Variants in LRP1B observed in about 807,000 individuals in gnomAD.
The protein encoded by LRP1B is LDL receptor related protein 1B.
Under a neutral mutation model 556.6 loss-of-function variants are expected in LRP1B, and 217 were observed. That is an observed-to-expected ratio of 0.39 (90% confidence interval 0.35 to 0.44). The LOEUF (loss-of-function observed/expected upper bound fraction) is 0.44, where lower values mean the gene tolerates loss of function less well. Among genes scored for constraint, LRP1B ranks in the 20% least tolerant of loss-of-function variants. The probability of loss-of-function intolerance (pLI) is 1.00; values close to 1 mark genes in which losing one functional copy is unlikely to be tolerated. For missense variants in LRP1B, 5,053 were observed against 5,620.8 expected, an observed-to-expected ratio of 0.90 and a Z score of 3.23; for synonymous variants, 2,047 against 1,865.8, an observed-to-expected ratio of 1.10 and a Z score of -2.50.
At position 141,140,714 on chromosome 2, in the gene LRP1B, T is replaced by G. The variant is rs142357003; in HGVS notation, c.1013+47707A>C. 6.1e-3 allele frequency among the ~76,000 whole-genome samples: 925 copies of G among 152,286 alleles called. 11 individuals are homozygous for G. The highest frequency in any genetic ancestry group is 0.02 in the African/African-American group (846 of 41,558). ...CTTGGACTTCCACCCTTCAGAACTG[T>G]GAGAAAATTAATTTCTGTTGTTTAA... On this transcript the variant is annotated intron_variant, in intron 7 of 90. Coordinates refer to ENST00000389484, the MANE Select transcript of LRP1B (RefSeq NM_018557.3).
At chr2:140,944,620 A>G (rs1695490781) in intron 20 of LRP1B, among the ~76,000 whole-genome samples, 1 of 152,176 alleles carries the variant, frequency 6.6e-6, no homozygotes, top group Admixed American at 6.6e-5. Flanking sequence ...ACTCAAATCA[A>G]TAAATGTGAA....
chr2:141,400,696 T>C (rs1270827576), intron 3 of LRP1B, among the ~76,000 whole-genome samples: 4 of 152,158 alleles, frequency 2.6e-5, no homozygotes, highest in Admixed American at 2.6e-4. Flanking sequence ...TTTTAAAAAA[T>C]CAGTATCTTT....
At chr2:140,313,990 G>A (rs1051684569) in intron 83 of LRP1B, among the ~76,000 whole-genome samples, 2 of 151,616 alleles carry the variant, frequency 1.3e-5, no homozygotes, top group African/African-American at 4.8e-5. Context: ...TTCAGAAACA[G>A]CTTGATTTTT....
At chr2:140,958,873 C>G (rs1385346958) in intron 18 of LRP1B, among the ~76,000 whole-genome samples, 1 of 151,318 alleles carries the variant, frequency 6.6e-6, no homozygotes, top group Non-Finnish European at 1.5e-5. Flanking sequence ...ATTTACCCAC[C>G]CTCTCAAAGA....
chr2:141,220,707 G>A (rs1683001515), intron 6 of LRP1B, among the ~76,000 whole-genome samples: 1 of 148,936 alleles, frequency 6.7e-6, no homozygotes, highest in South Asian at 2.1e-4. Context: ...CGGATTAACA[G>A]CAGACCTCTC....
chr2:140,468,390 G>A (rs955218469), intron 60 of LRP1B, among the ~76,000 whole-genome samples: 22 of 152,228 alleles, frequency 1.4e-4, no homozygotes, highest in African/African-American at 4.6e-4. Context: ...AACTGCCACA[G>A]TGGTAGGGCC....
chr2:141,466,523 G>A (rs907133244), intron 3 of LRP1B, among the ~76,000 whole-genome samples: 39 of 152,328 alleles, frequency 2.6e-4, no homozygotes, highest in African/African-American at 9.1e-4. Context: ...GTGGCTGTGT[G>A]TTAGTTAAAA....
rs773682116 is a variant in LRP1B at position 140,867,602 on chromosome 2, G to T, written c.4567C>A (p.Arg1523Ser). The T allele has an allele frequency of 6.2e-7, 1 of 1,612,226 alleles. No individual in the cohort carries two copies. The highest frequency in any genetic ancestry group is 1.1e-5 in the South Asian group (1 of 90,892). ...PFDLQIYHPS[R>S]QPQAPNPCAA... ...AACAAGCACTTACCCTGTGGCTGGC[G>T]ACTGGGATGGTATATCTGAAGGTCA... is the stretch of plus-strand genomic sequence containing the variant. Residue 1523 changes from arginine (R) to serine (S), a missense_variant, in exon 27 of 91, where the codon CGC becomes AGC. This residue lies in a region of LRP1B where 3,619 missense variants were observed against 3,931.9 expected (regional missense o/e 0.92). Coordinates refer to ENST00000389484, the MANE Select transcript of LRP1B (RefSeq NM_018557.3).
intron 83 of LRP1B, among the ~76,000 whole-genome samples, chr2:140,308,210 GATTT>G (rs1379651848): frequency 1.3e-5 from 2 of 151,600 alleles, no homozygotes; most frequent in African/African-American, 2.4e-5. Flanking sequence ...TTAAAAGCTA[GATTT>G]ATTTGATAAA....
At chr2:140,252,616 A>G (rs184370909) in intron 86 of LRP1B, among the ~76,000 whole-genome samples, 1 of 152,098 alleles carries the variant, frequency 6.6e-6, no homozygotes, top group African/African-American at 2.4e-5. Flanking sequence ...TCTCATGCCC[A>G]GGAGAGTACC....
intron 7 of LRP1B, among the ~76,000 whole-genome samples, chr2:141,110,551 A>G (rs1248551988): frequency 6.6e-6 from 1 of 152,138 alleles, no homozygotes; most frequent in Non-Finnish European, 1.5e-5. Flanking sequence ...AGGTGGAGAA[A>G]AACCTTTATG....
At chr2:142,129,991 C>T (rs1272106119) in intron 1 of LRP1B, among the ~76,000 whole-genome samples, 3 of 152,168 alleles carry the variant, frequency 2.0e-5, no homozygotes, top group Non-Finnish European at 2.9e-5. Flanking sequence ...GAGAGAGGCA[C>T]TCCAGGGGTG....
intron 1 of LRP1B, among the ~76,000 whole-genome samples, chr2:141,915,797 G>A (rs1336174455): frequency 6.6e-6 from 1 of 152,166 alleles, no homozygotes; most frequent in Non-Finnish European, 1.5e-5. Context: ...CTTCTCAAGA[G>A]ACAGACAAGT....
At chr2:140,670,434 A>C (rs569192738) in intron 41 of LRP1B, among the ~76,000 whole-genome samples, 1 of 152,314 alleles carries the variant, frequency 6.6e-6, no homozygotes, top group Admixed American at 6.5e-5. Flanking sequence ...TCCCAAACCT[A>C]ATAAATTTGC....
intron 83 of LRP1B, among the ~76,000 whole-genome samples, chr2:140,311,202 C>G (rs1684282638): frequency 6.6e-6 from 1 of 151,638 alleles, no homozygotes; most frequent in African/African-American, 2.4e-5. Flanking sequence ...AAAAAAATAT[C>G]ATTATATCAA....
intron 41 of LRP1B, among the ~76,000 whole-genome samples, chr2:140,652,906 A>G (rs1452561780): frequency 1.3e-5 from 2 of 152,096 alleles, no homozygotes; most frequent in Non-Finnish European, 2.9e-5. Context: ...AGCTTGATGT[A>G]AGTGTCAAAA....
chr2:140,413,224 C>T (rs1485548354), intron 66 of LRP1B, among the ~76,000 whole-genome samples: 2 of 152,056 alleles, frequency 1.3e-5, no homozygotes, highest in African/African-American at 4.8e-5. Context: ...TATTGGATTG[C>T]TATCCTCAAG....
intron 3 of LRP1B, among the ~76,000 whole-genome samples, chr2:141,266,760 A>G (rs1214631780): frequency 3.3e-5 from 5 of 152,214 alleles, no homozygotes; most frequent in Non-Finnish European, 7.3e-5. Flanking sequence ...ATTTTATTAC[A>G]CAGATAATTA....
intron 47 of LRP1B, among the ~76,000 whole-genome samples, chr2:140,529,441 G>GT (rs1690589776): frequency 8.5e-6 from 1 of 117,338 alleles, no homozygotes; most frequent in African/African-American, 3.4e-5. Flanking sequence ...AAGGGGGGGG[G>GT]GAAGCATTAA....
Sources: gnomAD v4.1 joint callset for allele counts (sites outside exome capture counted in the v4.1 genomes callset) on GRCh38, gnomAD v4.1.1 for gene constraint, gnomAD v4.1.1 regional missense constraint, MANE v1.5 for transcripts, NCBI Gene and HGNC (gene_info 2026-07-23, HGNC 2026-07-21) for gene names.